The following CNTNAP2 variants were observed in gnomAD, a reference collection of about 807,000 sequenced individuals.
CNTNAP2 encodes contactin-associated protein-like 2.
CNTNAP2 carries 98 observed loss-of-function variants against 155.2 expected under a neutral mutation model. That is an observed-to-expected ratio of 0.63 (90% confidence interval 0.54 to 0.75). CNTNAP2 has a LOEUF of 0.75. CNTNAP2 is among the 30% of genes least tolerant of loss of function. The pLI is 0.00. For missense variants in CNTNAP2, 1,727 were observed against 1,688.1 expected, an observed-to-expected ratio of 1.02 and a Z score of -0.40; for synonymous variants, 651 against 631.2, an observed-to-expected ratio of 1.03 and a Z score of -0.47.
At position 146,559,666 on chromosome 7, in the gene CNTNAP2, C is replaced by A. The variant is rs759039624; in HGVS notation, c.98-214605C>A. ...CATTTATAAATTATTGTGGAAAGTGCCTGTATAACAGAATATTTTTTGAAT... is the reference window on the plus strand; with the variant it reads ...CATTTATAAATTATTGTGGAAAGTGACTGTATAACAGAATATTTTTTGAAT... On this transcript the variant is annotated intron_variant, in intron 1 of 23. Coordinates refer to ENST00000361727, the MANE Select transcript of CNTNAP2 (RefSeq NM_014141.6). Among the ~76,000 whole-genome samples, 109 of 151,980 alleles carry A rather than the reference C, an allele frequency of 7.2e-4. 1 individual carries two copies. Among genetic ancestry groups the A allele is most frequent in the Non-Finnish European group, 2.5e-4 (17 of 67,992 alleles).
At chr7:148,001,617 C>G (rs1443327315) in intron 15 of CNTNAP2, among the ~76,000 whole-genome samples, 3 of 152,132 alleles carry the variant, frequency 2.0e-5, no homozygotes, top group Non-Finnish European at 4.4e-5. Context: ...TATACATGAG[C>G]ATAAATTGAG....
In CNTNAP2 at chr7:147,322,480, T is replaced by C. The variant is rs771669261; in HGVS notation, c.1498+22190T>C. ...ATCTTGAAAATTTGTATACGGCTGT[T>C]TAACCTAAGGATATTTTTGCATCAG... On this transcript the variant is annotated intron_variant, in intron 9 of 23. Coordinates refer to ENST00000361727, the MANE Select transcript of CNTNAP2 (RefSeq NM_014141.6). 3.9e-5 allele frequency among the ~76,000 whole-genome samples: 6 copies of C among 152,186 alleles called. 1 individual carries two copies. The South Asian group carries it at 1.2e-3, about 31-fold the overall frequency.
chr7:148,055,730 CATTGCAGTTAAGAAGGAAAA>C (rs1297850978), intron 15 of CNTNAP2, among the ~76,000 whole-genome samples: 1 of 30,486 alleles, frequency 3.3e-5, no homozygotes, highest in African/African-American at 9.0e-5. Context: ...CAAGTTAACA[CATTGCAGTTAAGAAGGAAAA>C]GCATTGCAGT....
intron 1 of CNTNAP2, among the ~76,000 whole-genome samples, chr7:146,184,841 C>CA (rs1457187813): frequency 6.6e-6 from 1 of 151,900 alleles, no homozygotes; most frequent in African/African-American, 2.4e-5. Context: ...TCCCTAATTG[C>CA]AAAAAAGTGG....
intron 10 of CNTNAP2, among the ~76,000 whole-genome samples, chr7:147,401,201 TA>T (rs1419646986): frequency 1.3e-5 from 2 of 152,214 alleles, no homozygotes; most frequent in African/African-American, 4.8e-5. Context: ...GAAAATATAT[TA>T]AAAAATACAT....
intron 1 of CNTNAP2, among the ~76,000 whole-genome samples, chr7:146,696,613 CTT>C (rs1396807718): frequency 6.6e-6 from 1 of 152,024 alleles, no homozygotes; most frequent in Non-Finnish European, 1.5e-5. Flanking sequence ...AAAGCAGAAA[CTT>C]TTATTTATTT....
intron 2 of CNTNAP2, among the ~76,000 whole-genome samples, chr7:146,812,421 T>A (rs1803082435): frequency 6.8e-6 from 1 of 146,990 alleles, no homozygotes; most frequent in South Asian, 2.1e-4. Context: ...AAGAAATTTC[T>A]TTTATATGTA....
chr7:146,143,862 A>T (rs1055225039), intron 1 of CNTNAP2, among the ~76,000 whole-genome samples: 20 of 151,954 alleles, frequency 1.3e-4, no homozygotes, highest in Non-Finnish European at 1.9e-4. Context: ...TCCTGGGTTC[A>T]AGCGATTTTC....
intron 1 of CNTNAP2, among the ~76,000 whole-genome samples, chr7:146,397,346 A>G (rs1795645123): frequency 6.6e-6 from 1 of 152,214 alleles, no homozygotes; most frequent in Non-Finnish European, 1.5e-5. Context: ...ATCCTTGGTC[A>G]TTTCACATGC....
At chr7:146,904,572 C>T (rs920030111) in intron 3 of CNTNAP2, among the ~76,000 whole-genome samples, 9 of 152,182 alleles carry the variant, frequency 5.9e-5, no homozygotes, top group South Asian at 4.2e-4. Flanking sequence ...CCCAGGTTCA[C>T]GCCATTCTCC....
chr7:146,852,572 C>G (rs1794899183), intron 3 of CNTNAP2, among the ~76,000 whole-genome samples: 1 of 152,096 alleles, frequency 6.6e-6, no homozygotes, highest in South Asian at 2.1e-4. Flanking sequence ...TTAACACTAT[C>G]AACATCATGT....
intron 13 of CNTNAP2, among the ~76,000 whole-genome samples, chr7:147,683,243 A>G (rs1245394138): frequency 6.6e-6 from 1 of 151,904 alleles, no homozygotes; most frequent in East Asian, 1.9e-4. Flanking sequence ...AATTAATCCC[A>G]ATTTAAACAG....
chr7:147,623,761 T>C (rs1794913284), intron 12 of CNTNAP2, among the ~76,000 whole-genome samples: 1 of 151,160 alleles, frequency 6.6e-6, no homozygotes, highest in South Asian at 2.1e-4. Context: ...ATTTTAAATT[T>C]AAAATTAAAA....
chr7:147,823,789 C>CTGGCA (rs1159258608), intron 13 of CNTNAP2, among the ~76,000 whole-genome samples: 1 of 151,644 alleles, frequency 6.6e-6, no homozygotes, highest in Non-Finnish European at 1.5e-5. Flanking sequence ...AAAGAAAATA[C>CTGGCA]TGGCATAGCT....
At chr7:148,016,457 C>T (rs774967486) in intron 15 of CNTNAP2, among the ~76,000 whole-genome samples, 2 of 152,212 alleles carry the variant, frequency 1.3e-5, no homozygotes, top group Non-Finnish European at 2.9e-5. Context: ...TGCACAGTAC[C>T]ACTCTTCAGC....
rs377588029 is a variant in CNTNAP2 at position 148,241,324 on chromosome 7, G to A, written c.3381+11545G>A. On this transcript the variant is annotated intron_variant, in intron 20 of 23. Transcript: ENST00000361727. ...AAAAGCAAAAAATAAAATAGCAGAT[G>A]TCAGGATCAGTACCAACAGGCTCTT... Among the ~76,000 whole-genome samples the A allele has an allele frequency of 5.9e-5, 9 of 152,306 alleles. No homozygotes were observed. The East Asian group carries it at 1.2e-3, about 20-fold the overall frequency.
At chr7:147,539,163 A>G (rs566568067) in intron 11 of CNTNAP2, among the ~76,000 whole-genome samples, 1 of 152,328 alleles carries the variant, frequency 6.6e-6, no homozygotes, top group Admixed American at 6.5e-5. Flanking sequence ...AATGTGAGCT[A>G]AATTCCCATT....
At chr7:147,820,827 G>A (rs1483196392) in intron 13 of CNTNAP2, among the ~76,000 whole-genome samples, 2 of 152,060 alleles carry the variant, frequency 1.3e-5, no homozygotes, top group Non-Finnish European at 2.9e-5. Flanking sequence ...CCATATAGCT[G>A]TGGGTTATTT....
chr7:147,072,613 A>T (rs991615242), intron 4 of CNTNAP2, among the ~76,000 whole-genome samples: 2 of 152,088 alleles, frequency 1.3e-5, no homozygotes, highest in African/African-American at 2.4e-5. Flanking sequence ...AGCTATTAGA[A>T]GGTAAAATCT....
Sources: allele counts gnomAD v4.1 joint callset (sites outside exome capture counted in the v4.1 genomes callset), GRCh38; gene constraint gnomAD v4.1.1; transcripts MANE v1.5; gene names NCBI Gene and HGNC (gene_info 2026-07-23, HGNC 2026-07-21).